SCN9A: variants seen among roughly 807,000 people sequenced by gnomAD.
SCN9A encodes the protein sodium channel protein type 9 subunit alpha.
Under a neutral mutation model 187.0 loss-of-function variants are expected in SCN9A, and 131 were observed. That is an observed-to-expected ratio of 0.70 (90% CI 0.61 to 0.81). The LOEUF (loss-of-function observed/expected upper bound fraction) is 0.81, where lower values mean the gene tolerates loss of function less well. Among genes scored for constraint, SCN9A ranks in the 30% least tolerant of loss-of-function variants. The probability of loss-of-function intolerance (pLI) is 0.00; values close to 1 mark genes in which losing one functional copy is unlikely to be tolerated. For missense variants in SCN9A, 2,252 were observed against 2,396.6 expected (o/e 0.94, Z 1.26); for synonymous variants, 809 against 808.6 (o/e 1.00, Z -0.01).
At chr2:166,318,115 T>G (rs565110303) in intron 1 of SCN9A, among the ~76,000 whole-genome samples, 1 of 152,286 alleles carries the variant, frequency 6.6e-6, no homozygotes, top group East Asian at 1.9e-4. Flanking sequence ...ATCTCCAAGC[T>G]ATCACCAAAA....
intron 22 of SCN9A, among the ~76,000 whole-genome samples, chr2:166,228,247 C>CTTTTTTTT (rs33924683): frequency 1.2e-5 from 1 of 85,996 alleles, no homozygotes; most frequent in African/African-American, 4.6e-5. Flanking sequence ...AAGACCAACA[C>CTTTTTTTT]TTTTTTTTTT....
rs1217037519 is a variant in SCN9A at position 166,286,645 on chromosome 2, C to T, written c.1315-22G>A. 5.4e-6 allele frequency: 8 copies of T among 1,487,480 alleles called. No homozygotes were observed. In the East Asian group the frequency reaches 1.9e-4, roughly 35 times the overall value. The allele number at this position is 1,487,480 out of a possible 1,614,324, so 92.1% of individuals were successfully genotyped here. On this transcript the variant is annotated intron_variant, in intron 10 of 26. Coordinates refer to ENST00000642356, the MANE Select transcript of SCN9A (RefSeq NM_001365536.1). ...TTGCCTGGTTGGGCCAAGACGTTAA[C>T]ACTTAAATGAGTCATTTCCAAATCC...
At chr2:166,367,592 C>T (rs1320407936) in intron 1 of SCN9A, among the ~76,000 whole-genome samples, 4 of 152,054 alleles carry the variant, frequency 2.6e-5, no homozygotes, top group African/African-American at 9.7e-5. Context: ...ACATATTTCC[C>T]TTTTAATTAC....
intron 17 of SCN9A, among the ~76,000 whole-genome samples, chr2:166,253,199 G>A: frequency 6.6e-6 from 1 of 151,724 alleles, no homozygotes; most frequent in Admixed American, 6.6e-5. Flanking sequence ...TCATAAAAAT[G>A]GCATGGATAA....
chr2:166,255,698 A>G (rs891884098), intron 17 of SCN9A, among the ~76,000 whole-genome samples: 3 of 151,484 alleles, frequency 2.0e-5, no homozygotes, highest in Non-Finnish European at 4.4e-5. Context: ...CAACAAAAAA[A>G]AAGATATTCT....
intron 1 of SCN9A, among the ~76,000 whole-genome samples, chr2:166,327,899 C>A (rs1353029915): frequency 1.3e-5 from 2 of 152,186 alleles, no homozygotes; most frequent in African/African-American, 4.8e-5. Flanking sequence ...CTCATTGATA[C>A]TAAGGAGCTT....
intron 7 of SCN9A, among the ~76,000 whole-genome samples, chr2:166,297,116 G>C (rs1698337961): frequency 6.9e-6 from 1 of 144,768 alleles, no homozygotes; most frequent in Non-Finnish European, 1.5e-5. Flanking sequence ...AGAATGGTGT[G>C]AACCCGGGAG....
In SCN9A at chr2:166,228,780, G is replaced by A. The variant is rs772369756; in HGVS notation, c.4117C>T (p.Leu1373Phe). Residue 1373 changes from leucine (L) to phenylalanine (F), a missense_variant, in exon 22 of 27, where the codon CTT (leucine) becomes TTT (phenylalanine). Physicochemically the swap from Leu to Phe is conservative, Grantham distance 22 (BLOSUM62 0). Around this residue, in one of 7 missense-constraint regions of SCN9A, gnomAD observed 368 missense variants for 408.6 expected, o/e 0.90. Coordinates refer to ENST00000642356, the MANE Select transcript of SCN9A (RefSeq NM_001365536.1). ...CGCACATTTTGACTAACATTCATAA[G>A]GGCAAAACATTCGGAACGATTTGGA... Reference protein sequence around the residue: ...QVPNRSECFALMNVSQNVRWK... With the variant: ...QVPNRSECFAFMNVSQNVRWK... 1.1e-5 allele frequency: 18 copies of A among 1,613,816 alleles called. No homozygotes were observed. Among genetic ancestry groups the A allele is most frequent in the Admixed American group, 1.7e-5 (1 of 59,990 alleles).
At chr2:166,232,626 AAAG>A in intron 21 of SCN9A, among the ~76,000 whole-genome samples, 1 of 151,982 alleles carries the variant, frequency 6.6e-6, no homozygotes, top group South Asian at 2.1e-4. Context: ...TAATATGAAA[AAAG>A]TCACTCATTT....
At chr2:166,253,469 C>T (rs934511613) in intron 17 of SCN9A, among the ~76,000 whole-genome samples, 2 of 151,550 alleles carry the variant, frequency 1.3e-5, no homozygotes, top group African/African-American at 4.8e-5. Flanking sequence ...TTAATTATAA[C>T]TGAATATTCT....
intron 1 of SCN9A, among the ~76,000 whole-genome samples, chr2:166,320,087 T>C (rs1699200611): frequency 6.6e-6 from 1 of 152,174 alleles, no homozygotes; most frequent in Admixed American, 6.5e-5. Context: ...CATAAGTTGA[T>C]GAAATAAAAA....
Position 166,204,481 on chromosome 2 carries a change from AAAAT to A in SCN9A, c.4399-21_4399-18del. The A allele has an allele frequency of 2.5e-5, 21 of 855,210 alleles. No individual in the cohort carries two copies. The highest frequency in any genetic ancestry group is 3.4e-5 in the Non-Finnish European group (19 of 557,376). 53.0% of individuals were successfully genotyped at this position (855,210 alleles called of 1,614,324 possible). A position where few individuals can be genotyped will look rare whatever the true frequency, so the allele number is the denominator to read the frequency against. ...ACCTCCAAGGTAAAGAAACAAACAA[AAAAT>A]AAATGTAGTTAAAACCAGAATCATT... On this transcript the variant is annotated intron_variant, in intron 24 of 26. Transcript: ENST00000642356.
At chr2:166,335,514 A>C (rs1054539742) in intron 1 of SCN9A, among the ~76,000 whole-genome samples, 3 of 152,088 alleles carry the variant, frequency 2.0e-5, no homozygotes, top group East Asian at 3.9e-4. Context: ...ACTGCCGTTG[A>C]CCTTCTAAAT....
intron 13 of SCN9A, among the ~76,000 whole-genome samples, chr2:166,281,246 G>A (rs986232201): frequency 2.0e-5 from 3 of 152,124 alleles, no homozygotes; most frequent in South Asian, 2.1e-4. Context: ...AGTTTGTAAA[G>A]TTGTCACCCT....
At chr2:166,226,165 T>C (rs968486691) in intron 24 of SCN9A, among the ~76,000 whole-genome samples, 3 of 152,170 alleles carry the variant, frequency 2.0e-5, no homozygotes, top group African/African-American at 4.8e-5. Context: ...ATATCTTACG[T>C]TGGTCTCCCC....
intron 2 of SCN9A, among the ~76,000 whole-genome samples, chr2:166,308,118 A>T (rs1216787808): frequency 6.6e-6 from 1 of 152,182 alleles, no homozygotes; most frequent in Non-Finnish European, 1.5e-5. Flanking sequence ...TCACTGTATC[A>T]GTTCTATCTA....
intron 9 of SCN9A, among the ~76,000 whole-genome samples, chr2:166,291,548 A>G (rs769400267): frequency 2.6e-5 from 4 of 152,144 alleles, no homozygotes; most frequent in Non-Finnish European, 4.4e-5. Flanking sequence ...TACCATTGAC[A>G]TCTTCACAGA....
chr2:166,236,201 T>C (rs1039570422), intron 20 of SCN9A, among the ~76,000 whole-genome samples: 6 of 152,132 alleles, frequency 3.9e-5, no homozygotes, highest in African/African-American at 1.4e-4. Flanking sequence ...CATTTTTCAT[T>C]TTTTAGGCAG....
intron 1 of SCN9A, among the ~76,000 whole-genome samples, chr2:166,356,621 T>A (rs1700156800): frequency 6.6e-6 from 1 of 152,208 alleles, no homozygotes; most frequent in South Asian, 2.1e-4. Flanking sequence ...ATTCCTCCCC[T>A]GTGGACAACC....
Sources: allele counts gnomAD v4.1 joint callset (sites outside exome capture counted in the v4.1 genomes callset), GRCh38; gene constraint gnomAD v4.1.1; regional missense constraint gnomAD v4.1.1; transcripts MANE v1.5; gene names NCBI Gene and HGNC (gene_info 2026-07-23, HGNC 2026-07-21).